The following DSCAM variants were observed in gnomAD, a reference collection of about 807,000 sequenced individuals.
DSCAM encodes DS cell adhesion molecule, also known as cell adhesion molecule DSCAM.
Under a neutral mutation model 217.7 loss-of-function variants are expected in DSCAM, and 47 were observed. That is an observed-to-expected ratio of 0.22 (90% CI 0.17 to 0.28). The LOEUF is 0.28. Among genes scored for constraint, DSCAM ranks in the 10% least tolerant of loss-of-function variants. The pLI is 1.00. For synonymous variants in DSCAM, 1,056 were observed against 1,015.3 expected (o/e 1.04, Z -0.76); for missense variants, 2,080 against 2,618.3 (o/e 0.79, Z 4.49).
At chr21:40,486,240 C>T (rs528512233) in intron 3 of DSCAM, among the ~76,000 whole-genome samples, 14 of 152,234 alleles carry the variant, frequency 9.2e-5, no homozygotes, top group East Asian at 3.9e-4. Flanking sequence ...GATAATCACC[C>T]GGCATGGTTT....
chr21:40,701,691 C>G (rs2090658280), intron 2 of DSCAM, among the ~76,000 whole-genome samples: 1 of 151,402 alleles, frequency 6.6e-6, no homozygotes, highest in Admixed American at 6.6e-5. Context: ...TTTTTTGACA[C>G]AGATCATTTA....
At chr21:40,569,464 C>T (rs1440728327) in intron 3 of DSCAM, among the ~76,000 whole-genome samples, 1 of 152,180 alleles carries the variant, frequency 6.6e-6, no homozygotes, top group East Asian at 1.9e-4. Flanking sequence ...AAAACTGAAG[C>T]TTCCCTGAGA....
At chr21:40,098,423 G>A (rs552869593) in intron 20 of DSCAM, among the ~76,000 whole-genome samples, 2 of 152,228 alleles carry the variant, frequency 1.3e-5, no homozygotes, top group Non-Finnish European at 2.9e-5. Context: ...TCAGGAAACT[G>A]AGGTTCAGAG....
At chr21:40,557,108 G>C (rs1409132544) in intron 3 of DSCAM, among the ~76,000 whole-genome samples, 4 of 152,066 alleles carry the variant, frequency 2.6e-5, no homozygotes, top group African/African-American at 9.7e-5. Context: ...AGGGTCAACT[G>C]TATATCAATA....
chr21:40,832,415 T>C (rs1271329939), intron 1 of DSCAM, among the ~76,000 whole-genome samples: 2 of 152,208 alleles, frequency 1.3e-5, no homozygotes, highest in African/African-American at 4.8e-5. Flanking sequence ...GAGGATATCT[T>C]TCTTCAAAGC....
At chr21:40,355,817 C>T (rs16999692) in intron 4 of DSCAM, among the ~76,000 whole-genome samples, 9,243 of 152,234 alleles carry the variant, frequency 0.061, 559 homozygotes, top group African/African-American at 0.16. Flanking sequence ...GTAATTTTGA[C>T]GAACATCTCT....
intron 32 of DSCAM, among the ~76,000 whole-genome samples, chr21:40,025,456 C>G (rs1480712432): frequency 1.4e-5 from 2 of 146,022 alleles, no homozygotes; most frequent in Non-Finnish European, 3.0e-5. Context: ...GTACCAGTTC[C>G]TCCTTGTACC....
intron 3 of DSCAM, among the ~76,000 whole-genome samples, chr21:40,602,681 TTC>T (rs1391423386): frequency 3.3e-5 from 5 of 152,100 alleles, no homozygotes; most frequent in Non-Finnish European, 7.4e-5. Flanking sequence ...TCCTGATGAG[TTC>T]TCTTTTATTT....
At chr21:40,263,662 A>G (rs2073484052) in intron 11 of DSCAM, among the ~76,000 whole-genome samples, 1 of 152,188 alleles carries the variant, frequency 6.6e-6, no homozygotes, top group South Asian at 2.1e-4. Context: ...TGAAACAAGA[A>G]CAAACCAAAC....
chr21:40,324,615 C>T (rs952551232), intron 8 of DSCAM, among the ~76,000 whole-genome samples: 6 of 152,156 alleles, frequency 3.9e-5, no homozygotes, highest in Admixed American at 6.5e-5. Flanking sequence ...AAGATTAAAA[C>T]GACCAAGAAC....
chr21:40,470,386 C>G (rs544836455), intron 3 of DSCAM, among the ~76,000 whole-genome samples: 46 of 152,328 alleles, frequency 3.0e-4, no homozygotes, highest in Non-Finnish European at 6.2e-4. Flanking sequence ...AACGTCCTGC[C>G]AAAGCCACCT....
rs1048261122 is a variant in DSCAM at position 40,016,335 on chromosome 21, C to T, written c.5687-2949G>A. Among the ~76,000 whole-genome samples the T allele has an allele frequency of 1.3e-5, 2 of 152,134 alleles. No homozygotes were observed. Among genetic ancestry groups the T allele is most frequent in the Non-Finnish European group, 2.9e-5 (2 of 68,026 alleles). ...CTCTAAGCTCAGGAAACTGTGTGGA[C>T]AGTGAAATCACTAACTGTGAAAGGG... On this transcript the variant is annotated intron_variant, in intron 32 of 32. Transcript: ENST00000400454. This position sits in a 1 kb window ranked among gnomAD's most constrained non-coding sequence, Gnocchi z 4.3.
At chr21:40,179,391 G>T (rs759573692) in intron 14 of DSCAM, among the ~76,000 whole-genome samples, 1 of 152,054 alleles carries the variant, frequency 6.6e-6, no homozygotes, top group Non-Finnish European at 1.5e-5. Context: ...CAGATCAGCC[G>T]ACTGGGGGAG....
At chr21:40,257,941 C>T (rs370034971) in intron 11 of DSCAM, among the ~76,000 whole-genome samples, 105 of 152,280 alleles carry the variant, frequency 6.9e-4, no homozygotes, top group South Asian at 6.0e-3. Context: ...CTTCCCCTTG[C>T]TGCATTATCA....
In DSCAM at chr21:40,706,166, C is replaced by T. The variant is rs185840780; in HGVS notation, c.361+2288G>A. ...CTGCACTCCAGCCTGGGAAACAGAG[C>T]GAGACTCCAGTCTCAAAAAAAAAAA... On this transcript the variant is annotated intron_variant, in intron 2 of 32. Coordinates refer to ENST00000400454, the MANE Select transcript of DSCAM (RefSeq NM_001389.5). Among the ~76,000 whole-genome samples, 3 of 137,622 alleles carry T rather than the reference C, an allele frequency of 2.2e-5. No homozygotes were observed. In the East Asian group the frequency reaches 6.3e-4, roughly 29 times the overall value. The allele number at this position is 137,622 out of a possible 152,430, so 90.3% of individuals were successfully genotyped here.
intron 20 of DSCAM, among the ~76,000 whole-genome samples, chr21:40,113,586 A>G (rs1381902370): frequency 6.6e-6 from 1 of 152,132 alleles, no homozygotes; most frequent in East Asian, 1.9e-4. Context: ...AGAAGGAAAT[A>G]AAGGGTATTC....
At chr21:40,439,109 T>C (rs2075609310) in intron 3 of DSCAM, among the ~76,000 whole-genome samples, 2 of 152,182 alleles carry the variant, frequency 1.3e-5, no homozygotes, top group Non-Finnish European at 2.9e-5. Flanking sequence ...TGAACCTCTC[T>C]GGGTCCTAGC....
At chr21:40,451,657 T>C (rs1368235935) in intron 3 of DSCAM, among the ~76,000 whole-genome samples, 2 of 152,204 alleles carry the variant, frequency 1.3e-5, no homozygotes, top group Non-Finnish European at 2.9e-5. Context: ...CCGCAACTGT[T>C]TCCAGAACAC....
At chr21:40,767,024 A>C (rs867478058) in intron 1 of DSCAM, among the ~76,000 whole-genome samples, 4 of 152,174 alleles carry the variant, frequency 2.6e-5, no homozygotes, top group Non-Finnish European at 4.4e-5. Flanking sequence ...TTGTTTTAAA[A>C]GAAGGGTACT....
Sources: gnomAD v4.1 joint callset for allele counts (sites outside exome capture counted in the v4.1 genomes callset) on GRCh38, gnomAD v4.1.1 for gene constraint, Gnocchi (gnomAD v3.1) non-coding constraint, MANE v1.5 for transcripts, NCBI Gene and HGNC (gene_info 2026-07-23, HGNC 2026-07-21) for gene names.